Variants in KNTC1 observed in about 807,000 individuals in gnomAD.
KNTC1 encodes the protein kinetochore associated 1, also known as kinetochore-associated protein 1.
In KNTC1, 253 loss-of-function variants were observed where a neutral mutation model predicts 314.4. The ratio of observed to expected loss-of-function variants is 0.80; its 90% CI spans 0.73 to 0.89. KNTC1 has a LOEUF of 0.89. Ranked by LOEUF, KNTC1 falls within the 40% of genes least tolerant of loss-of-function variation. The pLI, the probability that KNTC1 is intolerant of heterozygous loss-of-function variation, is 0.00. For synonymous variants in KNTC1, 901 were observed against 901.4 expected (o/e 1.00, Z 0.01); for missense variants, 2,475 against 2,572.9 (o/e 0.96, Z 0.82).
At chr12:122,584,141 A>G (rs1484682409) in intron 34 of KNTC1, 137 bp from the exon 35 acceptor site, 1 of 677,162 alleles carries the variant, frequency 1.5e-6, no homozygotes, top group Non-Finnish European at 2.5e-6. Flanking sequence ...CAAAAGAAAA[A>G]CTACACTATA....
chr12:122,620,323 T>C (rs1874287613), intron 59 of KNTC1, 156 bp from the exon 60 acceptor site: 3 of 585,300 alleles, frequency 5.1e-6, no homozygotes, highest in African/African-American at 1.9e-5. Flanking sequence ...GTCAAAGACT[T>C]GTGTTACTCA....
intron 27 of KNTC1, among the ~76,000 whole-genome samples, 162 bp from the exon 28 acceptor site, chr12:122,575,381 A>G (rs183224344): frequency 1.1e-4 from 16 of 152,370 alleles, no homozygotes; most frequent in Admixed American, 8.5e-4. Flanking sequence ...ATTGTTCTCT[A>G]TATGTGAAAA....
At chr12:122,566,289 C>T (rs551739694) in intron 20 of KNTC1, among the ~76,000 whole-genome samples, 2 of 151,400 alleles carry the variant, frequency 1.3e-5, no homozygotes, top group Admixed American at 6.6e-5. Flanking sequence ...CTCTTGTCGC[C>T]CAGGCTCGAG....
intron 26 of KNTC1, 117 bp downstream of exon 26, chr12:122,573,402 A>G (rs1252267731): frequency 1.1e-6 from 1 of 939,144 alleles, no homozygotes; most frequent in African/African-American, 1.6e-5. Context: ...CATGCAGCAT[A>G]TTGAATTGGT....
chr12:122,621,922 A>T lies in KNTC1; in HGVS notation c.6321A>T (p.Gln2107His). ...GTGACCCTCAGGTTATTTTAAAGCA[A>T]TTGGAAGAGCATATGAACACGGGCC... ...GSCDPQVILK[Q>H]LEEHMNTGQL... Residue 2107 changes from glutamine (Q) to histidine (H), a missense_variant, in exon 61 of 64, where the codon CAA becomes CAT. Physicochemically the swap from Gln to His is conservative, Grantham distance 24 (BLOSUM62 0). Transcript: ENST00000333479. 1 of 1,609,702 alleles carries T rather than the reference A, an allele frequency of 6.2e-7. No homozygotes were observed. Among genetic ancestry groups the T allele is most frequent in the Non-Finnish European group, 8.5e-7 (1 of 1,177,950 alleles).
rs1335532878 is a variant in KNTC1 at position 122,539,154 on chromosome 12, C to G, written c.367-522C>G. 5.3e-5 allele frequency among the ~76,000 whole-genome samples: 8 copies of G among 152,266 alleles called. No homozygotes were observed. The South Asian group carries it at 1.2e-3, about 24-fold the overall frequency. Reference sequence around the variant, plus strand: ...TTAGGTTCTTGTATGGTTGGGAATTCAGCTTGGTCAGCTAACTCAGGAGCA... The same window carrying G: ...TTAGGTTCTTGTATGGTTGGGAATTGAGCTTGGTCAGCTAACTCAGGAGCA... On this transcript the variant is annotated intron_variant, in intron 4 of 63. Transcript: ENST00000333479.
At chr12:122,579,265 C>T (rs1275255122) in intron 31 of KNTC1, among the ~76,000 whole-genome samples, 3 of 150,808 alleles carry the variant, frequency 2.0e-5, no homozygotes, top group Middle Eastern at 3.4e-3. Flanking sequence ...GGGGTTTCAC[C>T]GTTTTAGCCG....
chr12:122,555,382 T>C (rs1049156383), intron 16 of KNTC1, among the ~76,000 whole-genome samples: 1 of 152,142 alleles, frequency 6.6e-6, no homozygotes, highest in Admixed American at 6.5e-5. Flanking sequence ...CAAAACGCTG[T>C]CTGTACTAAA....
In KNTC1 at chr12:122,561,320, A is replaced by T. The variant is rs182079816; in HGVS notation, c.1489-601A>T. On this transcript the variant is annotated intron_variant, in intron 18 of 63. Transcript: ENST00000333479. ...ACAGAGCAAGACCCTATCTCAAAAA[A>T]AAAAATAATAATAATAATAAATAAA... 7.6e-3 allele frequency among the ~76,000 whole-genome samples: 1,152 copies of T among 152,004 alleles called. 13 individuals carry two copies. The highest frequency in any genetic ancestry group is 0.027 in the African/African-American group (1,111 of 41,498).
At chr12:122,589,017 C>T (rs1458981339) in intron 40 of KNTC1, among the ~76,000 whole-genome samples, 1 of 151,966 alleles carries the variant, frequency 6.6e-6, no homozygotes, top group East Asian at 1.9e-4. Flanking sequence ...AAATAGTAGT[C>T]AATCTTGTCC....
intron 16 of KNTC1, 42 bp downstream of exon 16, chr12:122,551,738 C>T (rs377325054): frequency 9.7e-5 from 136 of 1,407,792 alleles, no homozygotes; most frequent in Middle Eastern, 1.8e-4. Context: ...ACAAGCATTT[C>T]GTCATGGGCT....
Position 122,573,132 on chromosome 12 carries a change from T to C in KNTC1, c.2140-10T>C, listed in dbSNP as rs765873618. ...GTCTGTATTTATTCCATCTTTCTTT[T>C]GGCATCCAGGAAAATACAACCACCA... On this transcript the variant is annotated splice_polypyrimidine_tract_variant and intron_variant, in intron 25 of 63. Transcript: ENST00000333479. The C allele has an allele frequency of 6.2e-7, 1 of 1,613,800 alleles. No individual in the cohort carries two copies.
intron 21 of KNTC1, 112 bp downstream of exon 21, chr12:122,568,484 T>C (rs1964485287): frequency 1.3e-6 from 1 of 743,124 alleles, no homozygotes; most frequent in Non-Finnish European, 2.4e-6. Flanking sequence ...GGGATGTTTT[T>C]TGATTGGTTC....
chr12:122,527,810 C>A (rs1455014247), intron 1 of KNTC1: 4 of 152,286 alleles, frequency 2.6e-5, no homozygotes, highest in Non-Finnish European at 2.9e-5. Context: ...ACGTCGCGTT[C>A]CGCCTAAGTT....
In KNTC1 at chr12:122,591,263, G is replaced by GCGTTT; in HGVS notation, c.4129-70_4129-66dup. 3 of 795,640 alleles carry GCGTTT rather than the reference G, an allele frequency of 3.8e-6. No individual in the cohort carries two copies. In the South Asian group the frequency reaches 4.2e-5, roughly 11 times the overall value. The allele number at this position is 795,640 out of a possible 1,614,324, so 49.3% of individuals were successfully genotyped here. On this transcript the variant is annotated intron_variant, in intron 41 of 63. Coordinates refer to ENST00000333479, the MANE Select transcript of KNTC1 (RefSeq NM_014708.6). ...TCACAAAGTTATGATTTTTATTGTT[G>GCGTTT]CGTTTCGTCTAAAAGGTGTTATAAG...
rs533819998 is a variant in KNTC1 at position 122,536,232 on chromosome 12, T to A, written c.250+1448T>A. On this transcript the variant is annotated intron_variant, in intron 3 of 63. Transcript: ENST00000333479. ...AAGTTTTTTCTTTCTTGAGTAGAAATTTTTTTTTTTTTTGAGATGTAGTCT... is the reference window on the plus strand; with the variant it reads ...AAGTTTTTTCTTTCTTGAGTAGAAAATTTTTTTTTTTTTGAGATGTAGTCT... Among the ~76,000 whole-genome samples, 354 of 141,664 alleles carry A rather than the reference T, an allele frequency of 2.5e-3. 5 individuals carry two copies. The highest frequency in any genetic ancestry group is 0.02 in the East Asian group (99 of 4,858). The allele number at this position is 141,664 out of a possible 152,430, so 92.9% of individuals were successfully genotyped here. A position where few individuals can be genotyped will look rare whatever the true frequency, so the allele number is the denominator to read the frequency against.
Position 122,602,624 on chromosome 12 carries a change from A to G in KNTC1, c.4709A>G (p.Asp1570Gly), listed in dbSNP as rs1051325845. 6.2e-7 allele frequency: 1 copy of G among 1,611,724 alleles called. No homozygotes were observed. Among genetic ancestry groups the G allele is most frequent in the African/African-American group, 1.3e-5 (1 of 74,878 alleles). Residue 1570 changes from aspartate to glycine, a missense_variant, in exon 46 of 64, where the codon GAT becomes GGT. Asp to Gly is a moderately conservative substitution (Grantham distance 94, BLOSUM62 -1). Coordinates refer to ENST00000333479, the MANE Select transcript of KNTC1 (RefSeq NM_014708.6). ...TACAGAAGAATTTCTCCTCCCGTGG[A>G]TCTAGAATATCAGTATATGTTGGAA... ...KSYRRISPPV[D>G]LEYQYMLEHV... is the part of the protein sequence containing the mutation.
At chr12:122,536,180 G>A (rs903103902) in intron 3 of KNTC1, among the ~76,000 whole-genome samples, 6 of 151,414 alleles carry the variant, frequency 4.0e-5, no homozygotes, top group Non-Finnish European at 7.4e-5. Context: ...TGGGATTATA[G>A]GCATGAGCCA....
chr12:122,529,304 G>C (rs955371421), intron 1 of KNTC1, among the ~76,000 whole-genome samples: 2 of 152,128 alleles, frequency 1.3e-5, no homozygotes, highest in African/African-American at 4.8e-5. Context: ...ACTTCTAGTA[G>C]CACTTATGAA....
Sources: allele counts gnomAD v4.1 joint callset (sites outside exome capture counted in the v4.1 genomes callset), GRCh38; gene constraint gnomAD v4.1.1; transcripts MANE v1.5; gene names NCBI Gene and HGNC (gene_info 2026-07-23, HGNC 2026-07-21).